The following TDRD1 variants were observed in gnomAD, a reference collection of about 807,000 sequenced individuals.
TDRD1 encodes tudor domain containing 1.
Under a neutral mutation model 140.6 loss-of-function variants are expected in TDRD1, and 37 were observed. That is an observed-to-expected ratio of 0.26 (90% CI 0.20 to 0.35). TDRD1 has a LOEUF of 0.35. Among genes scored for constraint, TDRD1 ranks in the 10% least tolerant of loss-of-function variants. The pLI is 1.00. For synonymous variants in TDRD1, 506 were observed against 475.7 expected, an observed-to-expected ratio of 1.06 and a Z score of -0.83; for missense variants, 1,243 against 1,393.0, an observed-to-expected ratio of 0.89 and a Z score of 1.71.
chr10:114,231,493 A>G lies in TDRD1; in HGVS notation c.3546A>G (p.Ala1182=), dbSNP rs745795171. The G allele has an allele frequency of 5.6e-6, 9 of 1,602,800 alleles. No homozygotes were observed. In the South Asian group the frequency reaches 5.7e-5, roughly 10 times the overall value. The change falls in exon 26 of 26, where the codon GCA becomes GCG. Residue 1182 remains alanine (A), a synonymous_variant. Transcript: ENST00000251864. ...ATTTTTTTTCTTTTTCAGAAACAGC[A>G]TCTCTTGGAGGTAAACCCTTATGAG...
Position 114,227,890 on chromosome 10 carries a change from T to A in TDRD1, c.3404-20T>A. On this transcript the variant is annotated intron_variant, in intron 23 of 25. Transcript: ENST00000251864. ...TTACATTATGTGTTATCTAATGGCT[T>A]ATTTTTCTTGTGCTTTTAGAAAAGA... 6.2e-7 allele frequency: 1 copy of A among 1,608,360 alleles called. No homozygotes were observed. Among genetic ancestry groups the A allele is most frequent in the Non-Finnish European group, 8.5e-7 (1 of 1,175,276 alleles).
chr10:114,203,281 CA>C lies in TDRD1; in HGVS notation c.802-102del, dbSNP rs2034884329. On this transcript the variant is annotated intron_variant, in intron 7 of 25. Coordinates refer to ENST00000251864, the Ensembl canonical transcript of TDRD1. ...CGGTAGCTACAAAACATAAACATTG[CA>C]AAAACTGCCTACAATGCTGTTTGTG... 8 of 1,492,776 alleles carry C rather than the reference CA, an allele frequency of 5.4e-6. No homozygotes were observed. The South Asian group carries it at 6.3e-5, about 12-fold the overall frequency. 92.5% of individuals were successfully genotyped at this position (1,492,776 alleles called of 1,614,324 possible).
chr10:114,204,814 G>T, exon 10 of TDRD1: 2 of 1,603,784 alleles, frequency 1.2e-6, no homozygotes, highest in Non-Finnish European at 1.7e-6. Context: ...TAATGGAGCA[G>T]TACTGCTCCA....
At chr10:114,193,615 C>T (rs1175598884) in intron 3 of TDRD1, among the ~76,000 whole-genome samples, 2 of 152,098 alleles carry the variant, frequency 1.3e-5, no homozygotes, top group Admixed American at 1.3e-4. Context: ...TTTTAAGATC[C>T]CTTGCAGTTT....
rs1347089608 is a variant in TDRD1, at chr10:114,180,898, A to C, written c.-7+1482A>C. Reference sequence around the variant, plus strand: ...TGCATACACTTTTGTTGTTAAAAGAACTCCAGCCTGTGGTATCCTAGAGGG... The same window carrying C: ...TGCATACACTTTTGTTGTTAAAAGACCTCCAGCCTGTGGTATCCTAGAGGG... On this transcript the variant is annotated intron_variant, in intron 1 of 25. Transcript: ENST00000251864. 2.0e-5 allele frequency among the ~76,000 whole-genome samples: 3 copies of C among 152,166 alleles called. No individual in the cohort carries two copies. The East Asian group carries it at 5.8e-4, about 29-fold the overall frequency.
chr10:114,220,614 A>G (rs1435795074), exon 19 of TDRD1: 2 of 1,613,448 alleles, frequency 1.2e-6, no homozygotes, highest in Non-Finnish European at 1.7e-6. Context: ...CCATAACAAG[A>G]TTCCAGATGT....
chr10:114,185,877 C>T (rs928881669), intron 1 of TDRD1, among the ~76,000 whole-genome samples: 1 of 152,242 alleles, frequency 6.6e-6, no homozygotes, highest in Admixed American at 6.5e-5. Context: ...GCATGAGCCA[C>T]CGTGCCTGGC....
At chr10:114,188,599 C>T (rs2033721924) in intron 2 of TDRD1, among the ~76,000 whole-genome samples, 1 of 152,182 alleles carries the variant, frequency 6.6e-6, no homozygotes, top group African/African-American at 2.4e-5. Context: ...TGGCTCACGC[C>T]TGTAATCCTA....
intron 4 of TDRD1, among the ~76,000 whole-genome samples, chr10:114,200,525 C>G (rs1306628540): frequency 6.6e-6 from 1 of 152,124 alleles, no homozygotes; most frequent in Non-Finnish European, 1.5e-5. Context: ...TCACGATACA[C>G]AGCCATTTCA....
At chr10:114,218,965 A>AT (rs1491452140) in intron 18 of TDRD1, among the ~76,000 whole-genome samples, 1 of 152,328 alleles carries the variant, frequency 6.6e-6, no homozygotes, top group East Asian at 1.9e-4. Context: ...GCAAAATAAC[A>AT]TAAATAGTCA....
upstream of TDRD1, among the ~76,000 whole-genome samples, chr10:114,177,919 G>A (rs112271553): frequency 2.6e-4 from 38 of 148,196 alleles, no homozygotes; most frequent in Admixed American, 1.4e-3. Flanking sequence ...TGAAACCTCC[G>A]CCTCCTGGGT....
At chr10:114,196,226 A>G (rs1331012680) in intron 3 of TDRD1, among the ~76,000 whole-genome samples, 1 of 152,168 alleles carries the variant, frequency 6.6e-6, no homozygotes, top group Non-Finnish European at 1.5e-5. Flanking sequence ...TTACAAAGTG[A>G]GCCACTGAGC....
At chr10:114,189,879 A>G (rs949863050) in intron 2 of TDRD1, among the ~76,000 whole-genome samples, 3 of 152,264 alleles carry the variant, frequency 2.0e-5, no homozygotes, top group African/African-American at 7.2e-5. Context: ...ATGCATGCGC[A>G]GGAATCCAAA....
At chr10:114,226,937 A>G in intron 22 of TDRD1, 135 bp from the exon 23 acceptor site, 2 of 593,040 alleles carry the variant, frequency 3.4e-6, no homozygotes. Flanking sequence ...TTGTAATGCA[A>G]CAGCAGTAGT....
intron 1 of TDRD1, among the ~76,000 whole-genome samples, chr10:114,182,583 T>G (rs1010197028): frequency 1.1e-4 from 17 of 152,332 alleles, no homozygotes; most frequent in Middle Eastern, 3.4e-3. Flanking sequence ...CTTCTCCACT[T>G]AAGACTGCCA....
In TDRD1 at chr10:114,206,327, C is replaced by G. The variant is rs757337063; in HGVS notation, c.1381C>G (p.Gln461Glu). ...AGATTCTAAGAAGGAAAATGCAGATCAAAGTGAGTATAGATTGATATTGAA... is the reference window on the plus strand; with the variant it reads ...AGATTCTAAGAAGGAAAATGCAGATGAAAGTGAGTATAGATTGATATTGAA... The change falls in exon 11 of 26, where the codon CAA becomes GAA. Residue 461 changes from glutamine (Q) to glutamate (E), a missense_variant. Transcript: ENST00000251864. 1.1e-5 allele frequency: 18 copies of G among 1,612,184 alleles called. No homozygotes were observed. The East Asian group carries it at 3.8e-4, about 34-fold the overall frequency.
Position 114,188,730 on chromosome 10 carries a change from G to A in TDRD1, c.325+574G>A, listed in dbSNP as rs571101258. On this transcript the variant is annotated intron_variant, in intron 2 of 25. Transcript: ENST00000251864. ...AAACTAGCCGGGCGTGGTGGCACAA[G>A]CCTGTAGTCCCAGCTACTTGAGAGG... Among the ~76,000 whole-genome samples the A allele has an allele frequency of 7.3e-4, 111 of 152,182 alleles. 1 individual carries two copies. The highest frequency in any genetic ancestry group is 2.6e-3 in the African/African-American group (106 of 41,518).
At position 114,187,963 on chromosome 10, in the gene TDRD1, T is replaced by C. The variant is rs751258951; in HGVS notation, c.132T>C (p.Pro44=). The change falls in exon 2 of 26, where the codon CCT becomes CCC. Residue 44 remains proline (P), a synonymous_variant. Coordinates refer to ENST00000251864, the Ensembl canonical transcript of TDRD1. ...CACCACATGAGTCTTTAAGAAGTCC[T>C]GGAACACTTCCTAACCACCCTAATT... 3 of 1,614,188 alleles carry C rather than the reference T, an allele frequency of 1.9e-6. No individual in the cohort carries two copies. In the Admixed American group the frequency reaches 5.0e-5, roughly 27 times the overall value.
chr10:114,200,016 A>G (rs1231511647), intron 4 of TDRD1, among the ~76,000 whole-genome samples: 1 of 152,234 alleles, frequency 6.6e-6, no homozygotes, highest in Non-Finnish European at 1.5e-5. Flanking sequence ...GTTTAACTGT[A>G]TAAGAAGCTA....
Sources: gnomAD v4.1 joint callset for allele counts (sites outside exome capture counted in the v4.1 genomes callset) on GRCh38, gnomAD v4.1.1 for gene constraint, MANE v1.5 for transcripts, NCBI Gene and HGNC (gene_info 2026-07-23, HGNC 2026-07-21) for gene names.